The following PAPSS1 variants were observed in gnomAD, a reference collection of about 807,000 sequenced individuals.
PAPSS1 encodes bifunctional 3'-phosphoadenosine 5'-phosphosulfate synthase 1.
PAPSS1 carries 50 observed loss-of-function variants against 72.0 expected under a neutral mutation model. The observed-to-expected ratio is 0.69, with a 90% CI of 0.55 to 0.88. The LOEUF (loss-of-function observed/expected upper bound fraction) is 0.88, where lower values mean the gene tolerates loss of function less well. Ranked by LOEUF, PAPSS1 falls within the 40% of genes least tolerant of loss-of-function variation. The pLI is 0.00. For synonymous variants in PAPSS1, 261 were observed against 263.6 expected (o/e 0.99, Z 0.09); for missense variants, 657 against 782.2 (o/e 0.84, Z 1.91).
chr4:107,651,272 G>A (rs955908552), intron 9 of PAPSS1, among the ~76,000 whole-genome samples: 4 of 152,120 alleles, frequency 2.6e-5, no homozygotes, highest in Admixed American at 6.6e-5. Flanking sequence ...CTGAAGAGTG[G>A]GTGGCCCATC....
At chr4:107,664,177 C>T (rs909079318) in intron 5 of PAPSS1, among the ~76,000 whole-genome samples, 3 of 152,126 alleles carry the variant, frequency 2.0e-5, no homozygotes, top group African/African-American at 7.2e-5. Context: ...AGAGAAGAAT[C>T]TCATTCTCAA....
intron 2 of PAPSS1, among the ~76,000 whole-genome samples, chr4:107,700,850 A>C (rs1723184583): frequency 6.6e-6 from 1 of 152,228 alleles, no homozygotes; most frequent in Non-Finnish European, 1.5e-5. Context: ...AAAATAGACT[A>C]AGACGTATGG....
intron 10 of PAPSS1, among the ~76,000 whole-genome samples, chr4:107,634,834 G>C (rs1412965826): frequency 1.1e-4 from 14 of 125,532 alleles, no homozygotes; most frequent in South Asian, 2.5e-4. Context: ...GAGTCTCGCT[G>C]TGTCGCCCAG....
intron 3 of PAPSS1, 108 bp downstream of exon 3, chr4:107,693,663 A>T (rs1160525788): frequency 1.4e-6 from 1 of 713,442 alleles, no homozygotes; most frequent in Non-Finnish European, 2.5e-6. Context: ...GCTGGGGAGG[A>T]GTAGAGTTAG....
intron 5 of PAPSS1, among the ~76,000 whole-genome samples, chr4:107,664,081 A>C (rs577928557): frequency 6.6e-6 from 1 of 152,272 alleles, no homozygotes; most frequent in Admixed American, 6.5e-5. Flanking sequence ...TGCCACTGTG[A>C]ATAAATCATG....
In PAPSS1 at chr4:107,645,049, A is replaced by T; in HGVS notation, c.1259T>A (p.Leu420Gln). 6.5e-7 allele frequency: 1 copy of T among 1,540,392 alleles called. No individual in the cohort carries two copies. Among genetic ancestry groups the T allele is most frequent in the African/African-American group, 1.4e-5 (1 of 72,764 alleles). The change falls in exon 10 of 12, where the codon CTA becomes CAA. Residue 420 changes from leucine to glutamine, a missense_variant. By Grantham distance (113) the Leu-to-Gln change is moderately radical. Coordinates refer to ENST00000265174, the MANE Select transcript of PAPSS1 (RefSeq NM_005443.5). ...ATGTCCATTGTGCACTGGGTTGCGT[A>T]GTTGAAATGCAAAGACAGCATCTGA... ...MNADAVFAFQLRNPVHNGHAL... is the reference protein window; with the variant it reads ...MNADAVFAFQQRNPVHNGHAL...
intron 2 of PAPSS1, among the ~76,000 whole-genome samples, chr4:107,697,900 C>A (rs1578430032): frequency 1.3e-5 from 2 of 152,068 alleles, no homozygotes; most frequent in South Asian, 4.1e-4. Context: ...TCTTACAAGG[C>A]TATAAGACAA....
chr4:107,719,992 C>T (rs1723738481), intron 1 of PAPSS1, 128 bp downstream of exon 1: 1 of 1,478,864 alleles, frequency 6.8e-7, no homozygotes, highest in Non-Finnish European at 8.9e-7. Context: ...GCGCCGCAGC[C>T]CCGGAACCCA....
chr4:107,653,510 T>C lies in PAPSS1; in HGVS notation c.1218A>G (p.Lys406=). The stretch of plus-strand genomic sequence containing the variant: ...TCTTACCAGCATTCATATCTTTAAA[T>C]TTCTGCTTTAGCTCAGTAGGAGTAA... ...YRLTPTELKQ[K]FKDMNADAVF... is the part of the protein sequence containing the mutation. Residue 406 remains lysine, a synonymous_variant, in exon 9 of 12, where the codon AAA becomes AAG. Coordinates refer to ENST00000265174, the MANE Select transcript of PAPSS1 (RefSeq NM_005443.5). 6.2e-7 allele frequency: 1 copy of C among 1,611,860 alleles called. No homozygotes were observed. The highest frequency in any genetic ancestry group is 8.5e-7 in the Non-Finnish European group (1 of 1,179,072).
chr4:107,661,654 G>A (rs1727185144), intron 5 of PAPSS1, among the ~76,000 whole-genome samples: 1 of 152,234 alleles, frequency 6.6e-6, no homozygotes, highest in South Asian at 2.1e-4. Flanking sequence ...CTAAAAAAAA[G>A]TCTGTTTTTT....
intron 10 of PAPSS1, 39 bp from the exon 11 acceptor site, chr4:107,631,899 T>C (rs1180595015): frequency 3.0e-6 from 4 of 1,337,024 alleles, no homozygotes; most frequent in Admixed American, 1.9e-5. Flanking sequence ...TTTGCTTTTA[T>C]GACTATGTAC....
rs369956234 is a variant in PAPSS1, at chr4:107,644,974, C to T, written c.1334G>A (p.Arg445Gln). 1.5e-5 allele frequency: 25 copies of T among 1,613,544 alleles called. No homozygotes were observed. Among genetic ancestry groups the T allele is most frequent in the East Asian group, 6.7e-5 (3 of 44,856 alleles). ...AGGGTGGAGGAGGAGGACAGGGCGC[C>T]GGTAGCCCCTCTCTAGAAGTTGCTT... ...THKQLLERGY[R>Q]RPVLLLHPLG... Residue 445 changes from arginine to glutamine, a missense_variant, in exon 10 of 12, where the codon CGG becomes CAG. By Grantham distance (43) the Arg-to-Gln change is conservative. This residue lies in a region of PAPSS1 where 166 missense variants were observed against 228.3 expected (regional missense o/e 0.73). Coordinates refer to ENST00000265174, the MANE Select transcript of PAPSS1 (RefSeq NM_005443.5).
At position 107,652,859 on chromosome 4, in the gene PAPSS1, C is replaced by T. The variant is rs532172294; in HGVS notation, c.1237+632G>A. 4.6e-5 allele frequency among the ~76,000 whole-genome samples: 7 copies of T among 152,108 alleles called. No individual in the cohort carries two copies. In the South Asian group the frequency reaches 1.5e-3, roughly 32 times the overall value. On this transcript the variant is annotated intron_variant, in intron 9 of 11. Transcript: ENST00000265174. The stretch of plus-strand genomic sequence containing the variant: ...TTGTTTTGAGAAGTATTTCTATGCG[C>T]AGTGTTGTTTCTTTTAATTTTTGCT...
rs1317315590 is a variant in PAPSS1 at position 107,678,789 on chromosome 4, A to T, written c.669+3226T>A. Among the ~76,000 whole-genome samples, 3 of 152,166 alleles carry T rather than the reference A, an allele frequency of 2.0e-5. No individual in the cohort carries two copies. The East Asian group carries it at 5.8e-4, about 29-fold the overall frequency. Reference sequence around the variant, plus strand: ...AAAAAAGTCTTCCTCAGTGGGGCACAGGCAAAAAAACTATGCTCACTCACC... The same window carrying T: ...AAAAAAGTCTTCCTCAGTGGGGCACTGGCAAAAAAACTATGCTCACTCACC... On this transcript the variant is annotated intron_variant, in intron 5 of 11. Coordinates refer to ENST00000265174, the MANE Select transcript of PAPSS1 (RefSeq NM_005443.5).
At chr4:107,615,583 C>T (rs985500761) in intron 11 of PAPSS1, among the ~76,000 whole-genome samples, 2 of 152,074 alleles carry the variant, frequency 1.3e-5, no homozygotes, top group African/African-American at 4.8e-5. Flanking sequence ...TTTACAACAG[C>T]AAAATACTAT....
chr4:107,621,990 C>T (rs1220994973), intron 11 of PAPSS1, among the ~76,000 whole-genome samples: 3 of 152,022 alleles, frequency 2.0e-5, no homozygotes, highest in East Asian at 3.9e-4. Context: ...CACTGGAGGA[C>T]ATCAAGGGCA....
intron 7 of PAPSS1, among the ~76,000 whole-genome samples, chr4:107,656,665 T>A (rs1578402264): frequency 6.6e-6 from 1 of 152,270 alleles, no homozygotes; most frequent in East Asian, 1.9e-4. Flanking sequence ...CAGCCCTGAT[T>A]CCCAGATTTT....
chr4:107,645,303 T>C (rs979341773), intron 9 of PAPSS1, among the ~76,000 whole-genome samples: 2 of 152,068 alleles, frequency 1.3e-5, no homozygotes, highest in Non-Finnish European at 2.9e-5. Flanking sequence ...TCTGAGGATA[T>C]GTACTATAAC....
chr4:107,717,603 C>T (rs951174454), intron 1 of PAPSS1, among the ~76,000 whole-genome samples: 6 of 152,200 alleles, frequency 3.9e-5, no homozygotes, highest in African/African-American at 1.4e-4. Flanking sequence ...CTTTTAACCA[C>T]TGTCTCTCAT....
Sources: allele counts gnomAD v4.1 joint callset (sites outside exome capture counted in the v4.1 genomes callset), GRCh38; gene constraint gnomAD v4.1.1; regional missense constraint gnomAD v4.1.1; transcripts MANE v1.5; gene names NCBI Gene and HGNC (gene_info 2026-07-23, HGNC 2026-07-21).